Variants in RGS7 observed in about 807,000 individuals in gnomAD.
RGS7 encodes regulator of G-protein signaling 7.
RGS7 carries 27 observed loss-of-function variants against 81.1 expected under a neutral mutation model. That is an observed-to-expected ratio of 0.33 (90% confidence interval 0.25 to 0.46). RGS7 has a LOEUF of 0.46. Among genes scored for constraint, RGS7 ranks in the 20% least tolerant of loss-of-function variants. RGS7 has a pLI of 1.00. For missense variants in RGS7, 396 were observed against 607.4 expected, an observed-to-expected ratio of 0.65 and a Z score of 3.66; for synonymous variants, 208 against 207.7, an observed-to-expected ratio of 1.00 and a Z score of -0.01.
At chr1:240,831,368 G>C (rs1179180794) in intron 9 of RGS7, among the ~76,000 whole-genome samples, 3 of 152,116 alleles carry the variant, frequency 2.0e-5, no homozygotes, top group Non-Finnish European at 2.9e-5. Flanking sequence ...ACTGCTTTCA[G>C]AAGTCATGCA....
At chr1:240,807,899 G>A (rs771316376) in intron 14 of RGS7, among the ~76,000 whole-genome samples, 28 of 152,020 alleles carry the variant, frequency 1.8e-4, no homozygotes, top group Non-Finnish European at 3.7e-4. Flanking sequence ...GCTGGGTGTG[G>A]TGGCGAATGC....
At chr1:241,302,866 TTTTCTTTC>T (rs35027277) in intron 2 of RGS7, among the ~76,000 whole-genome samples, 1 of 151,134 alleles carries the variant, frequency 6.6e-6, no homozygotes, top group African/African-American at 2.4e-5. Context: ...ACAGGCATTC[TTTTCTTTC>T]TTTCTTTCTT....
rs374163399 is a variant in RGS7 at position 240,857,941 on chromosome 1, C to T, written c.609+10646G>A. Among the ~76,000 whole-genome samples the T allele has an allele frequency of 7.2e-5, 11 of 152,212 alleles. 1 individual carries two copies. Among genetic ancestry groups the T allele is most frequent in the African/African-American group, 2.6e-4 (11 of 41,554 alleles). Reference sequence around the variant, plus strand: ...TCTCCCGCTTTGTTCTGCCCTTCTCCGTGCTACCACCATGTGAACAAGGAC... The same window carrying T: ...TCTCCCGCTTTGTTCTGCCCTTCTCTGTGCTACCACCATGTGAACAAGGAC... On this transcript the variant is annotated intron_variant, in intron 9 of 18. Transcript: ENST00000440928.
intron 4 of RGS7, among the ~76,000 whole-genome samples, chr1:240,938,142 C>T (rs1291414574): frequency 6.6e-6 from 1 of 152,088 alleles, no homozygotes; most frequent in Non-Finnish European, 1.5e-5. Flanking sequence ...GTTTGAGGAC[C>T]TGCACAGATA....
chr1:241,291,352 G>C (rs2079075997), intron 2 of RGS7, among the ~76,000 whole-genome samples: 1 of 152,172 alleles, frequency 6.6e-6, no homozygotes, highest in South Asian at 2.1e-4. Context: ...AAACACAGGA[G>C]AAGACAGAAG....
At position 240,868,149 on chromosome 1, in the gene RGS7, A is replaced by AGAAAG. The variant is rs1553331438; in HGVS notation, c.609+433_609+437dup. ...AAGAAAGAAAGAAAGAAAGAAAGAA[A>AGAAAG]GAAAGAAAGGACGGAGGGAGGGAAG... On this transcript the variant is annotated intron_variant, in intron 9 of 18. Transcript: ENST00000440928. The surrounding 1 kb of genome is among the most constrained non-coding windows in gnomAD (Gnocchi z 5.1). 2.0e-5 allele frequency among the ~76,000 whole-genome samples: 2 copies of AGAAAG among 100,028 alleles called. No homozygotes were observed. The highest frequency in any genetic ancestry group is 8.6e-5 in the Admixed American group (1 of 11,626). The allele number at this position is 100,028 out of a possible 152,430, so 65.6% of individuals were successfully genotyped here. A position where few individuals can be genotyped will look rare whatever the true frequency, so the allele number is the denominator to read the frequency against.
In RGS7 at chr1:241,273,212, A is replaced by G. The variant is rs571159860; in HGVS notation, c.78+82487T>C. Among the ~76,000 whole-genome samples the G allele has an allele frequency of 1.7e-3, 219 of 131,090 alleles. 4 individuals are homozygous for G. The highest frequency in any genetic ancestry group is 4.0e-4 in the Non-Finnish European group (25 of 62,978). The allele number at this position is 131,090 out of a possible 152,430, so 86.0% of individuals were successfully genotyped here. On this transcript the variant is annotated intron_variant, in intron 2 of 18. Coordinates refer to ENST00000440928, the MANE Select transcript of RGS7 (RefSeq NM_001364886.1). ...AAAGGATACACTCCTTCTTCTCTCA[A>G]GGCTGAGTTAGCTAATCTGCAGCTG...
intron 2 of RGS7, among the ~76,000 whole-genome samples, chr1:241,224,991 T>C (rs1337069204): frequency 6.6e-6 from 1 of 152,194 alleles, no homozygotes; most frequent in Non-Finnish European, 1.5e-5. Flanking sequence ...ATGTGTTTTT[T>C]TTTTCTTTTA....
At chr1:240,805,208 G>C (rs1204306745) in intron 15 of RGS7, among the ~76,000 whole-genome samples, 3 of 130,864 alleles carry the variant, frequency 2.3e-5, no homozygotes, top group Non-Finnish European at 3.5e-5. Flanking sequence ...GACCCACCCT[G>C]TCTCTACAAA....
chr1:240,980,045 T>C (rs753960276), intron 4 of RGS7, among the ~76,000 whole-genome samples: 7 of 152,312 alleles, frequency 4.6e-5, no homozygotes, highest in South Asian at 4.1e-4. Flanking sequence ...ATGTGTATTA[T>C]ACATATATGT....
intron 2 of RGS7, among the ~76,000 whole-genome samples, chr1:241,145,597 T>C (rs78929818): frequency 0.011 from 1,724 of 152,238 alleles, 40 homozygotes; most frequent in East Asian, 0.06. Context: ...CAAAGCCAGT[T>C]TGGCCAAGGT....
intron 2 of RGS7, among the ~76,000 whole-genome samples, chr1:241,126,640 C>G (rs1021371820): frequency 1.3e-5 from 2 of 152,186 alleles, no homozygotes; most frequent in African/African-American, 4.8e-5. Context: ...ATCCTTCTCA[C>G]GGAGTTATTA....
At chr1:240,920,783 G>A (rs531148073) in intron 6 of RGS7, among the ~76,000 whole-genome samples, 1 of 152,252 alleles carries the variant, frequency 6.6e-6, no homozygotes, top group South Asian at 2.1e-4. Flanking sequence ...CTTGAGGACT[G>A]TATTTGTGAC....
rs111806440 is a variant in RGS7 at position 241,051,370 on chromosome 1, G to A, written c.175+47296C>T. On this transcript the variant is annotated intron_variant, in intron 3 of 18. Coordinates refer to ENST00000440928, the MANE Select transcript of RGS7 (RefSeq NM_001364886.1). ...ACCTGCAACTTGGTTATAAAAACTCGTTTAGATGCTTTATCAGGTAGCAGT... is the reference window on the plus strand; with the variant it reads ...ACCTGCAACTTGGTTATAAAAACTCATTTAGATGCTTTATCAGGTAGCAGT... Among the ~76,000 whole-genome samples the A allele has an allele frequency of 5.6e-4, 85 of 152,200 alleles. 1 individual carries two copies. The highest frequency in any genetic ancestry group is 1.1e-3 in the Non-Finnish European group (77 of 68,006).
At chr1:241,035,299 T>C (rs2060268539) in intron 3 of RGS7, among the ~76,000 whole-genome samples, 5 of 151,956 alleles carry the variant, frequency 3.3e-5, no homozygotes, top group Non-Finnish European at 7.4e-5. Flanking sequence ...GATAGTTTGT[T>C]AAAATATGGA....
intron 4 of RGS7, among the ~76,000 whole-genome samples, chr1:240,974,912 A>C (rs1683826509): frequency 6.6e-6 from 1 of 152,162 alleles, no homozygotes; most frequent in Non-Finnish European, 1.5e-5. Flanking sequence ...GAAGGGAAAA[A>C]AAAAAAACCA....
At chr1:240,924,168 T>A (rs532214332) in intron 6 of RGS7, among the ~76,000 whole-genome samples, 2 of 152,326 alleles carry the variant, frequency 1.3e-5, no homozygotes, top group Admixed American at 1.3e-4. Context: ...AAATCTGCTA[T>A]AATTATTTTA....
intron 6 of RGS7, among the ~76,000 whole-genome samples, chr1:240,886,117 C>T (rs1167988986): frequency 1.3e-5 from 2 of 152,204 alleles, no homozygotes; most frequent in East Asian, 1.9e-4. Flanking sequence ...AGCCACTGTT[C>T]CAAGCAAAAT....
At chr1:240,973,087 G>A (rs923170265) in intron 4 of RGS7, among the ~76,000 whole-genome samples, 2 of 151,282 alleles carry the variant, frequency 1.3e-5, no homozygotes, top group African/African-American at 4.9e-5. Flanking sequence ...GGTACAGGTT[G>A]TACCTACTGT....
Sources: gnomAD v4.1 joint callset for allele counts (sites outside exome capture counted in the v4.1 genomes callset) on GRCh38, gnomAD v4.1.1 for gene constraint, Gnocchi (gnomAD v3.1) non-coding constraint, MANE v1.5 for transcripts, NCBI Gene and HGNC (gene_info 2026-07-23, HGNC 2026-07-21) for gene names.